Variants in SLC18A2 observed in about 807,000 individuals in gnomAD.
The protein encoded by SLC18A2 is synaptic vesicular amine transporter.
A neutral mutation model predicts 59.2 loss-of-function variants in SLC18A2; 33 were observed. That is an observed-to-expected ratio of 0.56 (90% CI 0.42 to 0.75). SLC18A2 has a LOEUF of 0.75. Among genes scored for constraint, SLC18A2 ranks in the 30% least tolerant of loss-of-function variants. The pLI is 0.00. For synonymous variants in SLC18A2, 228 were observed against 253.5 expected (o/e 0.90, Z 0.95); for missense variants, 569 against 668.6 (o/e 0.85, Z 1.64).
rs1049535768 is a variant in SLC18A2 at position 117,278,695 on chromosome 10, C to T, written c.*1429C>T. The T allele has an allele frequency of 1.3e-5, 2 of 152,196 alleles. No homozygotes were observed. The highest frequency in any genetic ancestry group is 2.4e-5 in the African/African-American group (1 of 41,458). 9.4% of individuals were successfully genotyped at this position (152,196 alleles called of 1,614,324 possible). A position where few individuals can be genotyped will look rare whatever the true frequency, so the allele number is the denominator to read the frequency against. ...GAGCAAAGAACTTTAGAACAGACTC[C>T]TCAATCTTGTGACTTTCTTATTCTC... is the stretch of plus-strand genomic sequence containing the variant. On this transcript the variant is annotated 3_prime_UTR_variant, in exon 16 of 16. Coordinates refer to ENST00000644641, the MANE Select transcript of SLC18A2 (RefSeq NM_003054.6).
At chr10:117,252,735 G>T (rs567302649) in intron 3 of SLC18A2, among the ~76,000 whole-genome samples, 9 of 152,218 alleles carry the variant, frequency 5.9e-5, no homozygotes. Context: ...TCTCTCCGAG[G>T]GACTGAGAGG....
intron 2 of SLC18A2, among the ~76,000 whole-genome samples, chr10:117,242,920 CAG>C (rs1424625249): frequency 1.3e-5 from 2 of 152,086 alleles, no homozygotes; most frequent in Non-Finnish European, 1.5e-5. Flanking sequence ...TTATTAGAGA[CAG>C]GATTTTGCCA....
intron 3 of SLC18A2, among the ~76,000 whole-genome samples, chr10:117,250,549 C>A (rs1844152311): frequency 6.6e-6 from 1 of 152,150 alleles, no homozygotes; most frequent in African/African-American, 2.4e-5. Context: ...AAAAAGAACC[C>A]TCTGTAGGCA....
Position 117,270,151 on chromosome 10 carries a change from G to A in SLC18A2, c.1267G>A (p.Ala423Thr), listed in dbSNP as rs758041570. The A allele has an allele frequency of 5.6e-6, 9 of 1,614,092 alleles. No individual in the cohort carries two copies. Among genetic ancestry groups the A allele is most frequent in the African/African-American group, 1.3e-5 (1 of 74,938 alleles). The change falls in exon 14 of 16, where the codon GCC (alanine) becomes ACC (threonine). Residue 423 changes from alanine (A) to threonine (T), a missense_variant. By Grantham distance (58) the Ala-to-Thr change is moderately conservative. Transcript: ENST00000644641. The stretch of plus-strand genomic sequence containing the variant: ...CGTGTCCGTCTATGGGAGTGTGTAC[G>A]CCATTGCGGATGTGGCATTTTGTAT... ...RHVSVYGSVY[A>T]IADVAFCMGY... is the part of the protein sequence containing the mutation.
chr10:117,271,979 C>A (rs574088202), intron 15 of SLC18A2, among the ~76,000 whole-genome samples: 1 of 152,264 alleles, frequency 6.6e-6, no homozygotes, highest in South Asian at 2.1e-4. Context: ...ACAAATGCTC[C>A]TGTAGCCCAG....
chr10:117,251,535 C>G (rs1844162631), intron 3 of SLC18A2, among the ~76,000 whole-genome samples: 1 of 152,176 alleles, frequency 6.6e-6, no homozygotes. Flanking sequence ...AAGCTCATCT[C>G]TGTTCACAGC....
At chr10:117,274,344 TAGTC>T (rs986284003) in intron 15 of SLC18A2, among the ~76,000 whole-genome samples, 3 of 152,146 alleles carry the variant, frequency 2.0e-5, no homozygotes, top group Admixed American at 2.0e-4. Flanking sequence ...TGATGCCAAA[TAGTC>T]TGACTGAACT....
At position 117,270,536 on chromosome 10, in the gene SLC18A2, G is replaced by A. The variant is rs1844413395; in HGVS notation, c.1440+73G>A. On this transcript the variant is annotated intron_variant, in intron 15 of 15. Transcript: ENST00000644641. ...TGGCCTTCCTGATAGCTTCCTCATG[G>A]TTTCATTCTAAAGCCTTCAAACATA... 3.2e-6 allele frequency: 5 copies of A among 1,551,566 alleles called. No homozygotes were observed. In the Admixed American group the frequency reaches 7.2e-5, roughly 22 times the overall value.
At chr10:117,266,621 C>T (rs867496144) in intron 10 of SLC18A2, 112 bp from the exon 11 acceptor site, 76 of 832,234 alleles carry the variant, frequency 9.1e-5, no homozygotes, top group African/African-American at 7.2e-4. Flanking sequence ...GTGTGGGCCC[C>T]GGGGCTTCGT....
chr10:117,254,032 C>T lies in SLC18A2; in HGVS notation c.524-16C>T. The T allele has an allele frequency of 2.5e-6, 4 of 1,611,978 alleles. No individual in the cohort carries two copies. Among genetic ancestry groups the T allele is most frequent in the Non-Finnish European group, 3.4e-6 (4 of 1,179,482 alleles). Reference sequence around the variant, plus strand: ...AGCAGCACTGATGTGCGGTCTTGGACCCCCTCTCTCGGCAGTGTTTGCCTT... The same window carrying T: ...AGCAGCACTGATGTGCGGTCTTGGATCCCCTCTCTCGGCAGTGTTTGCCTT... On this transcript the variant is annotated splice_polypyrimidine_tract_variant and intron_variant, in intron 4 of 15. Transcript: ENST00000644641.
At chr10:117,243,609 A>G (rs182041518) in intron 2 of SLC18A2, among the ~76,000 whole-genome samples, 1 of 152,206 alleles carries the variant, frequency 6.6e-6, no homozygotes, top group Admixed American at 6.5e-5. Flanking sequence ...TGTTTGAGAC[A>G]GAGTCTCACT....
At position 117,266,212 on chromosome 10, in the gene SLC18A2, C is replaced by CT. The variant is rs796271045; in HGVS notation, c.992-513dup. On this transcript the variant is annotated intron_variant, in intron 10 of 15. Coordinates refer to ENST00000644641, the MANE Select transcript of SLC18A2 (RefSeq NM_003054.6). The stretch of plus-strand genomic sequence containing the variant: ...AAACAAGCAGGATAGAGTATAATCC[C>CT]TTTTTTTTGTAAATCAAAACACACA... Among the ~76,000 whole-genome samples the CT allele has an allele frequency of 2.5e-4, 38 of 151,486 alleles. 1 individual carries two copies. In the South Asian group the frequency reaches 6.1e-3, roughly 24 times the overall value.
intron 3 of SLC18A2, among the ~76,000 whole-genome samples, chr10:117,250,293 A>G (rs1014838561): frequency 6.6e-6 from 1 of 152,088 alleles, no homozygotes; most frequent in African/African-American, 2.4e-5. Flanking sequence ...GGTACTGAGG[A>G]GGCGGCAACA....
chr10:117,255,680 A>T, intron 9 of SLC18A2, 23 bp downstream of exon 9: 1 of 1,609,426 alleles, frequency 6.2e-7, no homozygotes, highest in South Asian at 1.1e-5. Context: ...GGGTCTTCTG[A>T]GTCAGGGGAA....
At chr10:117,249,202 G>A (rs1446293791) in intron 3 of SLC18A2, among the ~76,000 whole-genome samples, 1 of 152,230 alleles carries the variant, frequency 6.6e-6, no homozygotes, top group Admixed American at 6.5e-5. Context: ...TGGTTAGGAT[G>A]GTAGGGAGGG....
intron 5 of SLC18A2, 94 bp downstream of exon 5, chr10:117,254,225 T>G (rs1589979957): frequency 7.4e-7 from 1 of 1,358,864 alleles, no homozygotes; most frequent in Admixed American, 1.8e-5. Flanking sequence ...GTGGTTGGGG[T>G]GCTGGGGATT....
chr10:117,246,906 G>A (rs111306076), intron 3 of SLC18A2, among the ~76,000 whole-genome samples: 4,516 of 152,138 alleles, frequency 0.03, 217 homozygotes, highest in African/African-American at 0.1. Context: ...TGCCCACCTC[G>A]GCCTCCCAAA....
At position 117,241,679 on chromosome 10, in the gene SLC18A2, C is replaced by A; in HGVS notation, c.-15C>A. ...TCCTCACCGCGCACCGCGCCCGCAGCGGAGCCCCGGAGCCATGGCCCTGAG... is the reference window on the plus strand; with the variant it reads ...TCCTCACCGCGCACCGCGCCCGCAGAGGAGCCCCGGAGCCATGGCCCTGAG... On this transcript the variant is annotated splice_region_variant and 5_prime_UTR_variant, in exon 2 of 16. Transcript: ENST00000644641. The A allele has an allele frequency of 6.4e-7, 1 of 1,567,556 alleles. No homozygotes were observed. Among genetic ancestry groups the A allele is most frequent in the African/African-American group, 1.4e-5 (1 of 72,898 alleles).
chr10:117,251,103 C>A (rs2133730714), intron 3 of SLC18A2, among the ~76,000 whole-genome samples: 1 of 152,298 alleles, frequency 6.6e-6, no homozygotes, highest in South Asian at 2.1e-4. Context: ...AAATGAAGAA[C>A]TGGTGAAACA....
Sources: allele counts gnomAD v4.1 joint callset (sites outside exome capture counted in the v4.1 genomes callset), GRCh38; gene constraint gnomAD v4.1.1; transcripts MANE v1.5; gene names NCBI Gene and HGNC (gene_info 2026-07-23, HGNC 2026-07-21).